The following PCLO variants were observed in gnomAD, a reference collection of about 807,000 sequenced individuals.
The protein encoded by PCLO is piccolo presynaptic cytomatrix protein, also known as protein piccolo.
In PCLO, 82 loss-of-function variants were observed where a neutral mutation model predicts 427.5. That is an observed-to-expected ratio of 0.19 (90% CI 0.16 to 0.23). The LOEUF is 0.23. PCLO is among the 10% of genes least tolerant of loss of function. The probability of loss-of-function intolerance (pLI) is 1.00; values close to 1 mark genes in which losing one functional copy is unlikely to be tolerated. For missense variants in PCLO, 6,239 were observed against 6,115.9 expected, an observed-to-expected ratio of 1.02 and a Z score of -0.67; for synonymous variants, 2,357 against 2,155.4, an observed-to-expected ratio of 1.09 and a Z score of -2.59.
At chr7:83,115,727 C>A (rs1430054151) in intron 3 of PCLO, among the ~76,000 whole-genome samples, 2 of 152,002 alleles carry the variant, frequency 1.3e-5, no homozygotes. Flanking sequence ...GTGGTTAATT[C>A]CATGTATAAG....
intron 3 of PCLO, among the ~76,000 whole-genome samples, chr7:83,067,381 T>C (rs1310429201): frequency 2.0e-5 from 3 of 152,224 alleles, no homozygotes; most frequent in African/African-American, 7.2e-5. Context: ...CTCTGAAATA[T>C]TTATTCATCC....
chr7:83,046,959 G>C (rs1562937340), intron 3 of PCLO, among the ~76,000 whole-genome samples: 2 of 151,844 alleles, frequency 1.3e-5, no homozygotes, highest in Non-Finnish European at 1.5e-5. Flanking sequence ...AGCACTAAAG[G>C]ATAAAAATAG....
chr7:83,023,536 A>G (rs1788398003), intron 3 of PCLO, among the ~76,000 whole-genome samples: 1 of 152,198 alleles, frequency 6.6e-6, no homozygotes, highest in African/African-American at 2.4e-5. Context: ...GAATTTGAAC[A>G]CTGATAGTTA....
chr7:82,756,720 A>G lies in PCLO; in HGVS notation c.*1855T>C, dbSNP rs538682722. On this transcript the variant is annotated 3_prime_UTR_variant, in exon 25 of 25. Coordinates refer to ENST00000333891, the MANE Select transcript of PCLO (RefSeq NM_033026.6). ...ACCCTTAAATAAAGCAGCAGGTTTT[A>G]AGCTCAGAATGCTCTGAGAAGCAAT... The G allele has an allele frequency of 6.6e-6, 1 of 152,162 alleles. No homozygotes were observed. The highest frequency in any genetic ancestry group is 2.1e-4 in the South Asian group (1 of 4,830). The allele number at this position is 152,162 out of a possible 1,614,324, so 9.4% of individuals were successfully genotyped here.
At chr7:82,833,161 C>T (rs1359479623) in intron 16 of PCLO, among the ~76,000 whole-genome samples, 1 of 152,080 alleles carries the variant, frequency 6.6e-6, no homozygotes, top group East Asian at 1.9e-4. Flanking sequence ...ATACACACAC[C>T]ACCTGTACCT....
At chr7:83,035,459 C>T (rs1186059440) in intron 3 of PCLO, among the ~76,000 whole-genome samples, 2 of 152,020 alleles carry the variant, frequency 1.3e-5, no homozygotes, top group Non-Finnish European at 2.9e-5. Flanking sequence ...TAAATGTCCA[C>T]AAGAAATGCA....
At position 82,952,937 on chromosome 7, in the gene PCLO, A is replaced by C. The variant is rs764039961; in HGVS notation, c.8016T>G (p.Thr2672=). ...APTSVTQFLT[T]EVSKTEVSAT... is the part of the protein sequence containing the mutation. ...CTGAAACCTCAGTCTTGGAAACTTC[A>C]GTAGTGAGAAACTGTGTAACTGATG... is the stretch of plus-strand genomic sequence containing the variant. Residue 2672 remains threonine (T), a synonymous_variant, in exon 5 of 25, where the codon ACT becomes ACG. Coordinates refer to ENST00000333891, the MANE Select transcript of PCLO (RefSeq NM_033026.6). 1.5e-5 allele frequency: 24 copies of C among 1,613,946 alleles called. No individual in the cohort carries two copies. The highest frequency in any genetic ancestry group is 2.0e-5 in the Non-Finnish European group (24 of 1,179,872).
Position 83,155,280 on chromosome 7 carries a change from G to A in PCLO, c.1361C>T (p.Ala454Val). The part of the protein sequence containing the change: ...PGPGKIPAQQ[A>V]GPGKTSAQQT... ...CTGGGCAGAAGTCTTTCCGGGTCCT[G>A]CCTGTTGAGCTGGAATCTTTCCTGG... The change falls in exon 2 of 25, where the codon GCA (alanine) becomes GTA (valine). Residue 454 changes from alanine to valine, a missense_variant. Around this residue, in one of 5 missense-constraint regions of PCLO, gnomAD observed 4,677 missense variants for 4,468.4 expected, o/e 1.05. Coordinates refer to ENST00000333891, the MANE Select transcript of PCLO (RefSeq NM_033026.6). The A allele has an allele frequency of 6.2e-7, 1 of 1,613,906 alleles. No homozygotes were observed. The highest frequency in any genetic ancestry group is 8.5e-7 in the Non-Finnish European group (1 of 1,179,866).
Position 82,955,007 on chromosome 7 carries a change from T to C in PCLO, c.5946A>G (p.Gly1982=). 1 of 1,613,860 alleles carries C rather than the reference T, an allele frequency of 6.2e-7. No homozygotes were observed. Among genetic ancestry groups the C allele is most frequent in the Non-Finnish European group, 8.5e-7 (1 of 1,179,852 alleles). ...SLLTRQEEEN[G]FMQQKGREQK... ...GCTCTCTTCCTTTCTGCTGCATAAA[T>C]CCATTTTCTTCTTCTTGCCTTGTTA... is the stretch of plus-strand genomic sequence containing the variant. Residue 1982 remains glycine (G), a synonymous_variant, in exon 5 of 25, where the codon GGA becomes GGG. Transcript: ENST00000333891.
chr7:82,797,051 G>A (rs1414817388), intron 22 of PCLO, among the ~76,000 whole-genome samples: 3 of 151,892 alleles, frequency 2.0e-5, no homozygotes, highest in Admixed American at 6.6e-5. Context: ...CTCTAATTGA[G>A]GATCTTCCAT....
chr7:82,758,546 G>T lies in PCLO; in HGVS notation c.*29C>A. On this transcript the variant is annotated 3_prime_UTR_variant, in exon 25 of 25. Transcript: ENST00000333891. ...TCTTGATGTGAGGCTATTTAGAGCA[G>T]TTTCTATACCCTGAGAAGACATGTT... 1.9e-6 allele frequency: 3 copies of T among 1,597,168 alleles called. No homozygotes were observed. The highest frequency in any genetic ancestry group is 1.7e-6 in the Non-Finnish European group (2 of 1,171,820).
chr7:82,972,361 CA>C (rs1795925776), intron 3 of PCLO, among the ~76,000 whole-genome samples: 1 of 152,010 alleles, frequency 6.6e-6, no homozygotes, highest in Non-Finnish European at 1.5e-5. Flanking sequence ...TATAACATTT[CA>C]GCTGTAACTA....
intron 3 of PCLO, among the ~76,000 whole-genome samples, chr7:83,027,362 T>C (rs1034153918): frequency 5.9e-5 from 9 of 151,908 alleles, no homozygotes; most frequent in Admixed American, 5.2e-4. Flanking sequence ...CTAGAAGAAA[T>C]GGATAAATTC....
At chr7:82,873,422 G>A (rs539773354) in intron 10 of PCLO, among the ~76,000 whole-genome samples, 11 of 152,000 alleles carry the variant, frequency 7.2e-5, no homozygotes, top group African/African-American at 2.4e-4. Flanking sequence ...AGTCTTATAC[G>A]GCAATTTTGC....
rs931699203 is a variant in PCLO at position 83,038,157 on chromosome 7, A to G, written c.3301-71670T>C. Among the ~76,000 whole-genome samples, 6 of 125,428 alleles carry G rather than the reference A, an allele frequency of 4.8e-5. 1 individual carries two copies. The highest frequency in any genetic ancestry group is 1.9e-4 in the African/African-American group (6 of 32,432). The allele number at this position is 125,428 out of a possible 152,430, so 82.3% of individuals were successfully genotyped here. ...TACACACACTCATATATACACATAC[A>G]TATATGTATATACACACATACATAT... is the stretch of plus-strand genomic sequence containing the variant. On this transcript the variant is annotated intron_variant, in intron 3 of 24. Transcript: ENST00000333891.
chr7:82,814,989 T>A (rs1351039891), intron 20 of PCLO, among the ~76,000 whole-genome samples: 1 of 152,040 alleles, frequency 6.6e-6, no homozygotes, highest in Admixed American at 6.6e-5. Flanking sequence ...GATCATTTTA[T>A]CATGCTATTT....
rs749270959 is a variant in PCLO at position 82,949,680 on chromosome 7, T to C, written c.10908A>G (p.Leu3636=). 6.2e-7 allele frequency: 1 copy of C among 1,613,886 alleles called. No homozygotes were observed. The highest frequency in any genetic ancestry group is 1.7e-5 in the Admixed American group (1 of 60,006). The change falls in exon 6 of 25, where the codon TTA becomes TTG. Residue 3636 remains leucine (L), a synonymous_variant. Transcript: ENST00000333891. ...PISPLSPGKA[L]ESAFVPYEKP... ...TTTCATAAGGTACAAAGGCTGATTC[T>C]AAGGCTTTGCCTGGTGAAAGTGGTG...
At position 82,954,604 on chromosome 7, in the gene PCLO, T is replaced by A; in HGVS notation, c.6349A>T (p.Thr2117Ser). The A allele has an allele frequency of 6.2e-7, 1 of 1,613,950 alleles. No individual in the cohort carries two copies. The highest frequency in any genetic ancestry group is 8.5e-7 in the Non-Finnish European group (1 of 1,179,858). Residue 2117 changes from threonine (T) to serine (S), a missense_variant, in exon 5 of 25, where the codon ACA becomes TCA. Coordinates refer to ENST00000333891, the MANE Select transcript of PCLO (RefSeq NM_033026.6). ...AGTGTTGCACTGCTGGTCGAATCTGTAAGAGACGCTCCTGAGAGAACACTT... is the reference window on the plus strand; with the variant it reads ...AGTGTTGCACTGCTGGTCGAATCTGAAAGAGACGCTCCTGAGAGAACACTT... ...TSSVLSGASL[T>S]DSTSSATLSI...
At chr7:82,785,541 A>G (rs1024380240) in intron 22 of PCLO, among the ~76,000 whole-genome samples, 3 of 152,200 alleles carry the variant, frequency 2.0e-5, no homozygotes, top group Non-Finnish European at 4.4e-5. Flanking sequence ...TCTCCCAATC[A>G]TTTCAGCTCA....
Sources: allele counts gnomAD v4.1 joint callset (sites outside exome capture counted in the v4.1 genomes callset), GRCh38; gene constraint gnomAD v4.1.1; regional missense constraint gnomAD v4.1.1; transcripts MANE v1.5; gene names NCBI Gene and HGNC (gene_info 2026-07-23, HGNC 2026-07-21).